The following LCLAT1 variants were observed in gnomAD, a reference collection of about 807,000 sequenced individuals.
LCLAT1 encodes the protein lysocardiolipin acyltransferase 1, also known as 1-AGP acyltransferase 8.
A neutral mutation model predicts 30.7 loss-of-function variants in LCLAT1; 11 were observed. The ratio of observed to expected loss-of-function variants is 0.36; its 90% confidence interval spans 0.23 to 0.59. The LOEUF is 0.59. LCLAT1 is among the 20% of genes least tolerant of loss of function. The probability of loss-of-function intolerance (pLI) is 0.77; values close to 1 mark genes in which losing one functional copy is unlikely to be tolerated. For synonymous variants in LCLAT1, 155 were observed against 151.3 expected, an observed-to-expected ratio of 1.02 and a Z score of -0.18; for missense variants, 402 against 458.6, an observed-to-expected ratio of 0.88 and a Z score of 1.13.
At chr2:30,607,664 T>G (rs1667518839) in intron 5 of LCLAT1, 1 of 152,128 alleles carries the variant, frequency 6.6e-6, no homozygotes, top group South Asian at 2.1e-4. Flanking sequence ...TCCTTCTGCT[T>G]ATAGTAAAAG....
chr2:30,540,950 A>G (rs1446145880), intron 3 of LCLAT1, among the ~76,000 whole-genome samples: 1 of 152,092 alleles, frequency 6.6e-6, no homozygotes, highest in African/African-American at 2.4e-5. Flanking sequence ...GGTGTGAGCC[A>G]CCACACCCGG....
intron 5 of LCLAT1, among the ~76,000 whole-genome samples, chr2:30,626,395 A>T (rs1306234833): frequency 6.6e-6 from 1 of 152,214 alleles, no homozygotes; most frequent in African/African-American, 2.4e-5. Flanking sequence ...AATGTAAAGG[A>T]TTATGAGTAC....
chr2:30,551,008 T>C (rs1572611784), intron 3 of LCLAT1, among the ~76,000 whole-genome samples: 1 of 152,322 alleles, frequency 6.6e-6, no homozygotes, highest in East Asian at 1.9e-4. Context: ...AGACAGGGTC[T>C]TGCTCTGTCA....
chr2:30,611,277 T>C (rs754999718), intron 5 of LCLAT1, among the ~76,000 whole-genome samples: 6 of 152,148 alleles, frequency 3.9e-5, no homozygotes, highest in Non-Finnish European at 8.8e-5. Context: ...AAGCATATAT[T>C]CTAATTTGCT....
intron 3 of LCLAT1, among the ~76,000 whole-genome samples, chr2:30,553,166 A>C (rs1355925791): frequency 6.6e-6 from 1 of 152,216 alleles, no homozygotes; most frequent in African/African-American, 2.4e-5. Context: ...TGAAAAAAAA[A>C]AGTTGTGAAA....
chr2:30,455,277 T>G (rs192443388), intron 1 of LCLAT1, among the ~76,000 whole-genome samples: 1 of 152,344 alleles, frequency 6.6e-6, no homozygotes, highest in East Asian at 1.9e-4. Context: ...TATGTATGCC[T>G]TTTGCATACA....
At chr2:30,477,261 C>A (rs987303216) in intron 1 of LCLAT1, among the ~76,000 whole-genome samples, 21 of 152,136 alleles carry the variant, frequency 1.4e-4, no homozygotes, top group Non-Finnish European at 4.4e-5. Flanking sequence ...TCGATTTCTC[C>A]ATTTGTAGGT....
At chr2:30,586,370 C>T (rs1248441370) in intron 5 of LCLAT1, among the ~76,000 whole-genome samples, 2 of 152,082 alleles carry the variant, frequency 1.3e-5, no homozygotes, top group Non-Finnish European at 2.9e-5. Context: ...CCTTCCTTGC[C>T]TCTTCTTGGT....
At chr2:30,501,076 C>CTGTGTGTGTGTGTGTGTG (rs1553362946) in intron 1 of LCLAT1, among the ~76,000 whole-genome samples, 1 of 146,496 alleles carries the variant, frequency 6.8e-6, no homozygotes, top group Non-Finnish European at 1.5e-5. Context: ...TTGTTTTGTT[C>CTGTGTGTGTGTGTGTGTG]TGTGTGTGTG....
At chr2:30,601,342 A>T (rs1667173137) in intron 5 of LCLAT1, among the ~76,000 whole-genome samples, 1 of 152,190 alleles carries the variant, frequency 6.6e-6, no homozygotes, top group Non-Finnish European at 1.5e-5. Context: ...GAATTTTGGG[A>T]TTCTAAATTT....
intron 5 of LCLAT1, among the ~76,000 whole-genome samples, chr2:30,631,396 G>T (rs546992288): frequency 1.3e-5 from 2 of 152,338 alleles, no homozygotes; most frequent in African/African-American, 4.8e-5. Flanking sequence ...GCTCAGGTCA[G>T]TATCCTAAAG....
rs1461114996 is a variant in LCLAT1, at chr2:30,448,216, A to G, written c.-5+833A>G. 2.0e-5 allele frequency among the ~76,000 whole-genome samples: 3 copies of G among 152,204 alleles called. No individual in the cohort carries two copies. In the East Asian group the frequency reaches 5.8e-4, roughly 29 times the overall value. ...TTTAAGTCCAAGAAAAGTATTGAAG[A>G]TATGTGTTGAAGGCATTACCAAGAT... On this transcript the variant is annotated intron_variant, in intron 1 of 5. Transcript: ENST00000379509.
At chr2:30,499,441 C>T (rs555113602) in intron 1 of LCLAT1, among the ~76,000 whole-genome samples, 162 of 152,328 alleles carry the variant, frequency 1.1e-3, no homozygotes, top group African/African-American at 3.7e-3. Context: ...CTCGGCCTCC[C>T]AAAGTGCTGG....
At chr2:30,596,159 T>G (rs1442548812) in intron 5 of LCLAT1, among the ~76,000 whole-genome samples, 1 of 152,086 alleles carries the variant, frequency 6.6e-6, no homozygotes, top group Non-Finnish European at 1.5e-5. Context: ...ATATACCGAG[T>G]AGTGGGATTG....
chr2:30,579,978 G>A (rs758728328), intron 5 of LCLAT1, among the ~76,000 whole-genome samples: 8 of 152,032 alleles, frequency 5.3e-5, no homozygotes, highest in Non-Finnish European at 8.8e-5. Context: ...TGAGACTTCT[G>A]CATGAATTAT....
chr2:30,609,313 C>T (rs1373713049), intron 5 of LCLAT1, among the ~76,000 whole-genome samples: 1 of 151,992 alleles, frequency 6.6e-6, no homozygotes, highest in Non-Finnish European at 1.5e-5. Context: ...AAAAACCTTT[C>T]TTGTTACTTG....
intron 5 of LCLAT1, among the ~76,000 whole-genome samples, chr2:30,623,942 A>G (rs1310885795): frequency 6.6e-6 from 1 of 152,226 alleles, no homozygotes; most frequent in Non-Finnish European, 1.5e-5. Flanking sequence ...GCAAGCTAAA[A>G]GGGATTAGGG....
intron 5 of LCLAT1, among the ~76,000 whole-genome samples, chr2:30,570,926 A>G (rs952086078): frequency 6.6e-6 from 1 of 152,148 alleles, no homozygotes; most frequent in African/African-American, 2.4e-5. Flanking sequence ...TTCATTAGTG[A>G]TTGGAGGTGA....
chr2:30,549,771 A>G (rs1011089472), intron 3 of LCLAT1, among the ~76,000 whole-genome samples: 6 of 152,216 alleles, frequency 3.9e-5, no homozygotes, highest in Non-Finnish European at 8.8e-5. Context: ...ACCTGGGGGA[A>G]AATGAATTAG....
Sources: allele counts gnomAD v4.1 joint callset (sites outside exome capture counted in the v4.1 genomes callset), GRCh38; gene constraint gnomAD v4.1.1; transcripts MANE v1.5; gene names NCBI Gene and HGNC (gene_info 2026-07-23, HGNC 2026-07-21).